The following ABCC1 variants were observed in gnomAD, a reference collection of about 807,000 sequenced individuals.
ABCC1 encodes ATP binding cassette subfamily C member 1 (ABCC1 blood group), also known as multidrug resistance-associated protein 1.
ABCC1 carries 83 observed loss-of-function variants against 172.9 expected under a neutral mutation model. The observed-to-expected ratio is 0.48, with a 90% CI of 0.40 to 0.58. ABCC1 has a LOEUF of 0.58. Among genes scored for constraint, ABCC1 ranks in the 20% least tolerant of loss-of-function variants. The pLI, the probability that ABCC1 is intolerant of heterozygous loss-of-function variation, is 0.00. For synonymous variants in ABCC1, 937 were observed against 825.2 expected (o/e 1.14, Z -2.32); for missense variants, 1,817 against 2,002.7 (o/e 0.91, Z 1.77).
At position 16,115,022 on chromosome 16, in the gene ABCC1, G is replaced by A. The variant is rs767072123; in HGVS notation, c.3336G>A (p.Thr1112=). ...CCTGCATCGTTATCCTGCTGGCCACGCCCATCGCCGCCATCATCATCCCGC... is the reference window on the plus strand; with the variant it reads ...CCTGCATCGTTATCCTGCTGGCCACACCCATCGCCGCCATCATCATCCCGC... The part of the protein sequence containing the change: ...IGACIVILLA[T]PIAAIIIPPL... Residue 1112 remains threonine (T), a synonymous_variant, in exon 23 of 31, where the codon ACG becomes ACA. Transcript: ENST00000399410. 3.8e-5 allele frequency: 62 copies of A among 1,614,082 alleles called. No homozygotes were observed. Among genetic ancestry groups the A allele is most frequent in the Middle Eastern group, 3.3e-4 (2 of 6,084 alleles).
chr16:16,050,190 C>G (rs541776183), intron 10 of ABCC1, among the ~76,000 whole-genome samples: 189 of 152,218 alleles, frequency 1.2e-3, no homozygotes, highest in Non-Finnish European at 2.3e-3. Flanking sequence ...AAGGGCTGGA[C>G]GAAATGGCTC....
At chr16:16,075,947 C>T (rs1360760916) in intron 14 of ABCC1, among the ~76,000 whole-genome samples, 8 of 150,116 alleles carry the variant, frequency 5.3e-5, no homozygotes, top group African/African-American at 1.9e-4. Context: ...CTGACCTTGG[C>T]CACTGCTCGG....
intron 1 of ABCC1, among the ~76,000 whole-genome samples, chr16:15,950,729 C>T (rs555997674): frequency 2.2e-4 from 34 of 152,276 alleles, no homozygotes; most frequent in Non-Finnish European, 4.1e-4. Context: ...TTGGTGAACG[C>T]AGTAGGCAAA....
rs1596436669 is a variant in ABCC1 at position 16,056,452 on chromosome 16, A to T, written c.1677+157A>T. 1.0e-4 allele frequency: 80 copies of T among 772,798 alleles called. 1 individual carries two copies. In the South Asian group the frequency reaches 1.4e-3, roughly 14 times the overall value. 47.9% of individuals were successfully genotyped at this position (772,798 alleles called of 1,614,324 possible). A position where few individuals can be genotyped will look rare whatever the true frequency, so the allele number is the denominator to read the frequency against. ...GAGGCCAAAGCAGGTGGATCACCTGAGGTCAGGAGTTCAAGACCAGCCTGG... is the reference window on the plus strand; with the variant it reads ...GAGGCCAAAGCAGGTGGATCACCTGTGGTCAGGAGTTCAAGACCAGCCTGG... On this transcript the variant is annotated intron_variant, in intron 12 of 30. Transcript: ENST00000399410.
At chr16:15,994,233 A>C (rs1379721422) in intron 1 of ABCC1, among the ~76,000 whole-genome samples, 2 of 152,100 alleles carry the variant, frequency 1.3e-5, no homozygotes, top group African/African-American at 4.8e-5. Context: ...AAACAAAACC[A>C]GCTGACCAAA....
At chr16:15,957,835 G>A (rs1369134782) in intron 1 of ABCC1, among the ~76,000 whole-genome samples, 1 of 152,144 alleles carries the variant, frequency 6.6e-6, no homozygotes, top group African/African-American at 2.4e-5. Context: ...CTCGTGATCC[G>A]CCCGCCTCGG....
chr16:16,000,836 G>T (rs2047283353), intron 1 of ABCC1, among the ~76,000 whole-genome samples: 1 of 152,184 alleles, frequency 6.6e-6, no homozygotes, highest in Admixed American at 6.5e-5. Flanking sequence ...AAGGTTGGGG[G>T]CAGGTTGTTT....
chr16:16,009,957 A>G, intron 3 of ABCC1, 56 bp downstream of exon 3: 1 of 1,426,666 alleles, frequency 7.0e-7, no homozygotes, highest in South Asian at 1.6e-5. Context: ...GTGGAGACCA[A>G]AAGTAATAAC....
chr16:16,134,142 G>T (rs549588337), intron 27 of ABCC1, among the ~76,000 whole-genome samples: 4 of 152,284 alleles, frequency 2.6e-5, no homozygotes, highest in South Asian at 4.1e-4. Flanking sequence ...CCTTTTGGGA[G>T]CCTGGCAAAG....
At chr16:15,969,937 GC>G (rs1175979769) in intron 1 of ABCC1, among the ~76,000 whole-genome samples, 10 of 152,230 alleles carry the variant, frequency 6.6e-5, no homozygotes, top group African/African-American at 2.4e-4. Context: ...CCTTCCTTGA[GC>G]CCCAGTCTTG....
chr16:15,966,939 C>A (rs1209247451), intron 1 of ABCC1, among the ~76,000 whole-genome samples: 1 of 152,190 alleles, frequency 6.6e-6, no homozygotes, highest in African/African-American at 2.4e-5. Context: ...CCTCAGCCTT[C>A]CAAAGTGCTG....
intron 12 of ABCC1, among the ~76,000 whole-genome samples, chr16:16,061,380 G>GC (rs1297899700): frequency 6.6e-6 from 1 of 152,232 alleles, no homozygotes; most frequent in African/African-American, 2.4e-5. Flanking sequence ...GTGTTGTAGG[G>GC]CCTGGACTGC....
intron 11 of ABCC1, among the ~76,000 whole-genome samples, chr16:16,053,443 T>C (rs1440833168): frequency 6.6e-6 from 1 of 151,972 alleles, no homozygotes; most frequent in Non-Finnish European, 1.5e-5. Flanking sequence ...TTTGGAGATA[T>C]TTTGTATTTT....
intron 5 of ABCC1, among the ~76,000 whole-genome samples, chr16:16,028,923 A>C (rs1299620295): frequency 1.3e-5 from 2 of 152,122 alleles, no homozygotes; most frequent in Non-Finnish European, 2.9e-5. Context: ...TCTGGAATGC[A>C]CCGGCTGCAT....
intron 1 of ABCC1, among the ~76,000 whole-genome samples, chr16:15,961,231 A>G (rs762427987): frequency 1.3e-5 from 2 of 152,174 alleles, no homozygotes; most frequent in African/African-American, 2.4e-5. Context: ...TTTGTGATCA[A>G]GACCAACTTG....
At chr16:15,997,093 CTTTTTT>C (rs34024385) in intron 1 of ABCC1, among the ~76,000 whole-genome samples, 1 of 137,134 alleles carries the variant, frequency 7.3e-6, no homozygotes, top group Admixed American at 7.4e-5. Flanking sequence ...TGCGCTTTCT[CTTTTTT>C]TTTTTTTTTT....
intron 19 of ABCC1, among the ~76,000 whole-genome samples, chr16:16,101,953 T>C (rs770774489): frequency 5.3e-5 from 8 of 152,230 alleles, no homozygotes; most frequent in Non-Finnish European, 1.2e-4. Flanking sequence ...GGCTGGGGTC[T>C]CATCTGAAGA....
chr16:16,043,243 T>TC (rs1555488075), intron 7 of ABCC1, among the ~76,000 whole-genome samples: 3 of 140,790 alleles, frequency 2.1e-5, no homozygotes, highest in African/African-American at 5.5e-5. Context: ...TTTTTTTTTT[T>TC]CCACTGATGT....
At chr16:16,002,424 C>T (rs2047346633) in intron 1 of ABCC1, among the ~76,000 whole-genome samples, 1 of 152,088 alleles carries the variant, frequency 6.6e-6, no homozygotes, top group South Asian at 2.1e-4. Context: ...GTCCCTTGTA[C>T]CTCTTTGTTC....
Sources: allele counts gnomAD v4.1 joint callset (sites outside exome capture counted in the v4.1 genomes callset), GRCh38; gene constraint gnomAD v4.1.1; transcripts MANE v1.5; gene names NCBI Gene and HGNC (gene_info 2026-07-23, HGNC 2026-07-21).